ZNF487: variants seen among roughly 807,000 people sequenced by gnomAD.
ZNF487 encodes the protein zinc finger protein 487, also known as KRAB domain only 1.
A neutral mutation model predicts 3.0 loss-of-function variants in ZNF487; 4 were observed. The ratio of observed to expected loss-of-function variants is 1.35; its 90% confidence interval spans 0.66 to 3.08. The LOEUF (loss-of-function observed/expected upper bound fraction) is 3.08, where lower values mean the gene tolerates loss of function less well. ZNF487 is among the 30% of genes most tolerant of loss of function. ZNF487 has a pLI of 0.01. For synonymous variants in ZNF487, 55 were observed against 34.6 expected (o/e 1.59, Z -2.06); for missense variants, 146 against 98.7 (o/e 1.48, Z -2.03).
chr10:43,446,184 G>GC (rs1839791208), intron 1 of ZNF487, among the ~76,000 whole-genome samples: 2 of 152,214 alleles, frequency 1.3e-5, no homozygotes, highest in Admixed American at 6.5e-5. Context: ...TTCTCAATGA[G>GC]CTGTTGGGTA....
At chr10:43,505,633 A>G in the ZNF487 span, among the ~76,000 whole-genome samples, 1 of 151,902 alleles carries the variant, frequency 6.6e-6, no homozygotes, top group Non-Finnish European at 1.5e-5. Context: ...TCTTATAATT[A>G]CTGTTTTATG....
At chr10:43,453,938 TTAAAA>T (rs2132067661) in intron 1 of ZNF487, 1 of 152,246 alleles carries the variant, frequency 6.6e-6, no homozygotes, top group East Asian at 1.9e-4. Context: ...TTATATAAAT[TTAAAA>T]TAATATGAAT....
chr10:43,457,842 G>A (rs1253485841), intron 1 of ZNF487, among the ~76,000 whole-genome samples: 1 of 151,966 alleles, frequency 6.6e-6, no homozygotes, highest in Non-Finnish European at 1.5e-5. Flanking sequence ...CTAACATGGT[G>A]AAACCCCGTC....
the ZNF487 span, among the ~76,000 whole-genome samples, chr10:43,519,784 C>CA: frequency 6.6e-6 from 1 of 152,132 alleles, no homozygotes; most frequent in Non-Finnish European, 1.5e-5. Flanking sequence ...AGTTCTTTAA[C>CA]AAGCCTCACG....
At position 43,475,163 on chromosome 10, in the gene ZNF487, G is replaced by A. The variant is rs560017724; in HGVS notation, c.-93-558G>A. Among the ~76,000 whole-genome samples the A allele has an allele frequency of 4.6e-5, 7 of 152,126 alleles. No individual in the cohort carries two copies. In the South Asian group the frequency reaches 1.5e-3, roughly 32 times the overall value. On this transcript the variant is annotated intron_variant, in intron 1 of 3. Transcript: ENST00000437590. ...GTGGGGTTGGTTGGAGATTCTCCGG[G>A]GACCCTCCCTTATCTGCCTCCTGCG... is the stretch of plus-strand genomic sequence containing the variant.
chr10:43,504,838 C>T, the ZNF487 span, among the ~76,000 whole-genome samples: 9 of 151,774 alleles, frequency 5.9e-5, no homozygotes, highest in Non-Finnish European at 1.3e-4. Context: ...TCCTGAGTAG[C>T]TGGGACTACA....
intron 1 of ZNF487, among the ~76,000 whole-genome samples, chr10:43,450,839 A>G (rs1839981970): frequency 6.6e-6 from 1 of 152,160 alleles, no homozygotes; most frequent in South Asian, 2.1e-4. Context: ...TGACATCTCT[A>G]TTTCCTCGTC....
chr10:43,463,717 T>TTCTTTC (rs768367654), intron 1 of ZNF487, among the ~76,000 whole-genome samples: 1 of 150,654 alleles, frequency 6.6e-6, no homozygotes, highest in Non-Finnish European at 1.5e-5. Context: ...TCTTTCTTTT[T>TTCTTTC]TTTTTTTTTT....
chr10:43,439,811 T>C (rs1839525204), intron 1 of ZNF487, among the ~76,000 whole-genome samples: 2 of 152,244 alleles, frequency 1.3e-5, no homozygotes, highest in East Asian at 3.9e-4. Flanking sequence ...TGGACAAATA[T>C]TGTATGATCC....
chr10:43,507,942 TA>T, the ZNF487 span, among the ~76,000 whole-genome samples: 1 of 152,130 alleles, frequency 6.6e-6, no homozygotes, highest in Non-Finnish European at 1.5e-5. Context: ...TAGACAGCAA[TA>T]AAAAAGCCTG....
chr10:43,446,768 C>T (rs1462037062), intron 1 of ZNF487, among the ~76,000 whole-genome samples: 12 of 152,090 alleles, frequency 7.9e-5, no homozygotes, highest in Non-Finnish European at 1.0e-4. Flanking sequence ...CAGGCAGAGA[C>T]GCTCCTCACT....
In ZNF487 at chr10:43,463,609, T is replaced by C. The variant is rs146619510; in HGVS notation, c.-93-12112T>C. 6.9e-3 allele frequency among the ~76,000 whole-genome samples: 1,048 copies of C among 151,670 alleles called. 13 individuals carry two copies. The highest frequency in any genetic ancestry group is 0.024 in the African/African-American group (1,003 of 41,364). On this transcript the variant is annotated intron_variant, in intron 1 of 3. Transcript: ENST00000437590. ...TATGTTGCCCAGGTTGGTCTTGAAC[T>C]CCTGGCATCAAGTGATCTTCCCATC...
At chr10:43,454,000 A>G (rs749896639) in intron 1 of ZNF487, 1 of 152,194 alleles carries the variant, frequency 6.6e-6, no homozygotes, top group Non-Finnish European at 1.5e-5. Context: ...AAATAATGCA[A>G]TTCTTTTAAT....
chr10:43,485,532 C>G (rs896613937), downstream of ZNF487, among the ~76,000 whole-genome samples: 2 of 152,138 alleles, frequency 1.3e-5, no homozygotes, highest in Non-Finnish European at 2.9e-5. Context: ...CTTCCAATAA[C>G]TTAGAAATTC....
At chr10:43,497,945 C>A in the ZNF487 span, among the ~76,000 whole-genome samples, 4 of 140,748 alleles carry the variant, frequency 2.8e-5, no homozygotes, top group Admixed American at 7.3e-5. Flanking sequence ...CCAGCCTGGG[C>A]GACAGAGCGA....
chr10:43,455,209 C>A lies in ZNF487; in HGVS notation c.-94+17947C>A, dbSNP rs531737716. On this transcript the variant is annotated intron_variant, in intron 1 of 3. Coordinates refer to ENST00000437590, the MANE Select transcript of ZNF487 (RefSeq NM_001355444.3). ...GTATTTTTTAGTAGAGACGGGGTTTCACCGTGTTAGCCAGGATGGTCTCGA... is the reference window on the plus strand; with the variant it reads ...GTATTTTTTAGTAGAGACGGGGTTTAACCGTGTTAGCCAGGATGGTCTCGA... Among the ~76,000 whole-genome samples the A allele has an allele frequency of 2.6e-5, 4 of 152,112 alleles. No homozygotes were observed. In the South Asian group the frequency reaches 8.3e-4, roughly 32 times the overall value.
rs1200389823 is a variant in ZNF487, at chr10:43,481,968, T to C, written c.*46T>C. 1.7e-6 allele frequency: 1 copy of C among 602,148 alleles called. No homozygotes were observed. The highest frequency in any genetic ancestry group is 2.9e-6 in the Non-Finnish European group (1 of 340,902). 37.3% of individuals were successfully genotyped at this position (602,148 alleles called of 1,614,324 possible). On this transcript the variant is annotated 3_prime_UTR_variant, in exon 4 of 4. Coordinates refer to ENST00000437590, the MANE Select transcript of ZNF487 (RefSeq NM_001355444.3). ...CCTTTTCCGATAGACCAATATTCATTGTTCATCAGAGAACTCACATAAGGA... is the reference window on the plus strand; with the variant it reads ...CCTTTTCCGATAGACCAATATTCATCGTTCATCAGAGAACTCACATAAGGA...
At chr10:43,464,393 T>C (rs1264887128) in intron 1 of ZNF487, among the ~76,000 whole-genome samples, 1 of 151,870 alleles carries the variant, frequency 6.6e-6, no homozygotes. Flanking sequence ...TTTTTTTTTA[T>C]TGATCATTCT....
At chr10:43,439,531 T>G (rs1662118718) in intron 1 of ZNF487, among the ~76,000 whole-genome samples, 1 of 151,994 alleles carries the variant, frequency 6.6e-6, no homozygotes, top group Admixed American at 6.6e-5. Context: ...GGTGAAACCC[T>G]GTCTCTACTA....
Sources: allele counts gnomAD v4.1 joint callset (sites outside exome capture counted in the v4.1 genomes callset), GRCh38; gene constraint gnomAD v4.1.1; transcripts MANE v1.5; gene names NCBI Gene and HGNC (gene_info 2026-07-23, HGNC 2026-07-21).